The following ZNF43 variants were observed in gnomAD, a reference collection of about 807,000 sequenced individuals.
ZNF43 encodes zinc finger protein 39-like 1 (KOX 27).
A neutral mutation model predicts 68.4 loss-of-function variants in ZNF43; 44 were observed. The ratio of observed to expected loss-of-function variants is 0.64; its 90% CI spans 0.51 to 0.83. The LOEUF (loss-of-function observed/expected upper bound fraction) is 0.83, where lower values mean the gene tolerates loss of function less well. Among genes scored for constraint, ZNF43 ranks in the 40% least tolerant of loss-of-function variants. ZNF43 has a pLI of 0.00. For missense variants in ZNF43, 896 were observed against 933.2 expected, an observed-to-expected ratio of 0.96 and a Z score of 0.52; for synonymous variants, 308 against 307.8, an observed-to-expected ratio of 1.00 and a Z score of -0.01.
chr19:21,819,158 T>G lies in ZNF43; in HGVS notation c.67A>C (p.Ile23Leu), dbSNP rs368237364. The G allele has an allele frequency of 7.5e-6, 12 of 1,610,144 alleles. No individual in the cohort carries two copies. Among genetic ancestry groups the G allele is most frequent in the Non-Finnish European group, 8.5e-6 (10 of 1,178,686 alleles). The part of the protein sequence containing the change: ...FCLEEWQCLD[I>L]AQQNLYRNVM... ...TTCCTATATAAATTCTGCTGTGCAATGTCCAGGCATTGCCACTCCTCCAGA... is the reference window on the plus strand; with the variant it reads ...TTCCTATATAAATTCTGCTGTGCAAGGTCCAGGCATTGCCACTCCTCCAGA... Residue 23 changes from isoleucine (I) to leucine (L), a missense_variant, in exon 2 of 4, where the codon ATT (isoleucine) becomes CTT (leucine). By Grantham distance (5) the Ile-to-Leu change is conservative (BLOSUM62 2). Transcript: ENST00000354959.
chr19:21,846,860 A>C (rs1462859771), intron 1 of ZNF43, among the ~76,000 whole-genome samples: 1 of 152,142 alleles, frequency 6.6e-6, no homozygotes. Context: ...TGGCTGTTGG[A>C]CCCAGCAATA....
chr19:21,807,538 T>C lies in ZNF43; in HGVS notation c.*69A>G, dbSNP rs1024251782. 1.5e-6 allele frequency: 2 copies of C among 1,369,382 alleles called. No homozygotes were observed. The highest frequency in any genetic ancestry group is 4.8e-5 in the East Asian group (2 of 41,816). 84.8% of individuals were successfully genotyped at this position (1,369,382 alleles called of 1,614,324 possible). A position where few individuals can be genotyped will look rare whatever the true frequency, so the allele number is the denominator to read the frequency against. ...CCAATGTAAATTATCTTACCTACAA[T>C]CAAGTGTGACAACCATGTAAAGCCT... is the stretch of plus-strand genomic sequence containing the variant. On this transcript the variant is annotated 3_prime_UTR_variant, in exon 4 of 4. Transcript: ENST00000354959.
chr19:21,812,312 G>A (rs891491585), intron 3 of ZNF43, among the ~76,000 whole-genome samples: 7 of 151,994 alleles, frequency 4.6e-5, no homozygotes, highest in African/African-American at 1.7e-4. Flanking sequence ...ATTTTTAGTA[G>A]AGACAGGGTT....
Position 21,809,512 on chromosome 19 carries a change from T to C in ZNF43, c.525A>G (p.Lys175=). 1 of 1,613,628 alleles carries C rather than the reference T, an allele frequency of 6.2e-7. No homozygotes were observed. The highest frequency in any genetic ancestry group is 1.1e-5 in the South Asian group (1 of 91,068). Residue 175 remains lysine (K), a synonymous_variant, in exon 4 of 4, where the codon AAA becomes AAG. Coordinates refer to ENST00000354959, the MANE Select transcript of ZNF43 (RefSeq NM_003423.4). The stretch of plus-strand genomic sequence containing the variant: ...AAAATGATTTGCCACATTCTTTGCA[T>C]TTGAAAAGTTTTTTTTCAGTATGGC... ...KISHTEKKLF[K]CKECGKSFCM...
chr19:21,822,307 CT>C (rs2037889545), intron 1 of ZNF43, among the ~76,000 whole-genome samples: 1 of 75,322 alleles, frequency 1.3e-5, no homozygotes, highest in Non-Finnish European at 2.9e-5. Context: ...AAACTTAACT[CT>C]TGTGTATGTA....
chr19:21,850,269 G>A (rs867345210), intron 1 of ZNF43, among the ~76,000 whole-genome samples: 1 of 152,196 alleles, frequency 6.6e-6, no homozygotes, highest in Non-Finnish European at 1.5e-5. Flanking sequence ...TCTGTAGAAA[G>A]GGCCTGGGCA....
upstream of ZNF43, chr19:21,836,211 C>T: frequency 2.0e-6 from 3 of 1,485,798 alleles, no homozygotes; most frequent in Middle Eastern, 2.0e-4. Flanking sequence ...CGGAAGCCGC[C>T]CTGTCCTCTC....
chr19:21,811,547 C>CAA (rs988161266), intron 3 of ZNF43, among the ~76,000 whole-genome samples: 19 of 127,314 alleles, frequency 1.5e-4, no homozygotes, highest in African/African-American at 4.9e-4. Context: ...AAAAAAAAAA[C>CAA]AAAAAAAAAA....
At chr19:21,834,554 C>T (rs1568379833) in intron 1 of ZNF43, among the ~76,000 whole-genome samples, 1 of 151,340 alleles carries the variant, frequency 6.6e-6, no homozygotes, top group Admixed American at 6.6e-5. Context: ...GTCAGGAGTT[C>T]GAAACCAGCT....
Position 21,809,710 on chromosome 19 carries a change from A to G in ZNF43, c.327T>C (p.His109=). Residue 109 remains histidine (H), a synonymous_variant, in exon 4 of 4, where the codon CAT becomes CAC. Transcript: ENST00000354959. ...ATLRRYKNCE[H]KNVHLKKDHK... is the part of the protein sequence containing the mutation. ...GGTCTTTTTTTAAATGTACATTTTT[A>G]TGTTCACAGTTTTTATATCTTCTCA... 6.2e-7 allele frequency: 1 copy of G among 1,613,090 alleles called. No homozygotes were observed. The highest frequency in any genetic ancestry group is 1.1e-5 in the South Asian group (1 of 90,968).
chr19:21,825,782 G>A (rs1277358145), intron 1 of ZNF43, among the ~76,000 whole-genome samples: 2 of 152,228 alleles, frequency 1.3e-5, no homozygotes, highest in African/African-American at 2.4e-5. Context: ...GCCTGGGTCA[G>A]TGGCTCACGC....
Position 21,809,404 on chromosome 19 carries a change from A to G in ZNF43, c.633T>C (p.Phe211=), listed in dbSNP as rs1477667138. The G allele has an allele frequency of 3.0e-5, 49 of 1,613,564 alleles. No homozygotes were observed. Among genetic ancestry groups the G allele is most frequent in the Non-Finnish European group, 4.2e-5 (49 of 1,179,816 alleles). The change falls in exon 4 of 4, where the codon TTT becomes TTC. Residue 211 remains phenylalanine (F), a synonymous_variant. Coordinates refer to ENST00000354959, the MANE Select transcript of ZNF43 (RefSeq NM_003423.4). The part of the protein sequence containing the change: ...FCKCEKCGKA[F]NCPSIITKHK... ...GTTTAGTGATGATTGAAGGGCAGTTAAAAGCTTTTCCACATTTTTCACATT... is the reference window on the plus strand; with the variant it reads ...GTTTAGTGATGATTGAAGGGCAGTTGAAAGCTTTTCCACATTTTTCACATT...
At chr19:21,814,688 G>A (rs1301732438) in intron 3 of ZNF43, among the ~76,000 whole-genome samples, 2 of 151,946 alleles carry the variant, frequency 1.3e-5, no homozygotes, top group African/African-American at 2.4e-5. Context: ...GATTGCAGGC[G>A]TGAGCCACCG....
intron 3 of ZNF43, among the ~76,000 whole-genome samples, chr19:21,813,826 A>G (rs1203574051): frequency 3.9e-5 from 6 of 152,052 alleles, no homozygotes; most frequent in Non-Finnish European, 8.8e-5. Context: ...ACAGTGGCAC[A>G]ATTATGGCTC....
intron 1 of ZNF43, among the ~76,000 whole-genome samples, chr19:21,848,413 T>C (rs908596544): frequency 6.6e-6 from 1 of 152,140 alleles, no homozygotes; most frequent in Admixed American, 6.5e-5. Context: ...CCCAGAGTGC[T>C]GGGATTACAG....
chr19:21,828,552 T>TC (rs1481437749), intron 1 of ZNF43, among the ~76,000 whole-genome samples: 1 of 151,744 alleles, frequency 6.6e-6, no homozygotes, highest in Non-Finnish European at 1.5e-5. Flanking sequence ...CTGTCTCTAC[T>TC]CTAAAAGTAC....
chr19:21,808,823 T>A lies in ZNF43; in HGVS notation c.1214A>T (p.Lys405Ile). The A allele has an allele frequency of 6.2e-7, 1 of 1,613,402 alleles. No homozygotes were observed. The highest frequency in any genetic ancestry group is 8.5e-7 in the Non-Finnish European group (1 of 1,179,840). The change falls in exon 4 of 4, where the codon AAA becomes ATA. Residue 405 changes from lysine to isoleucine, a missense_variant. Transcript: ENST00000354959. ...KKPYKCEECG[K>I]AFKWSSKLTE... ...AAGCTTTGAGGACCACTTAAAAGCT[T>A]TGCCACATTCTTCACATTTGTAGGG...
intron 1 of ZNF43, among the ~76,000 whole-genome samples, chr19:21,831,060 G>A (rs968671864): frequency 6.6e-6 from 1 of 152,132 alleles, no homozygotes; most frequent in Non-Finnish European, 1.5e-5. Flanking sequence ...CATTCTTCAT[G>A]TTAAAACCCT....
At chr19:21,829,940 T>C (rs527711329) in intron 1 of ZNF43, among the ~76,000 whole-genome samples, 1 of 151,996 alleles carries the variant, frequency 6.6e-6, no homozygotes, top group South Asian at 2.1e-4. Context: ...ACTGGAGAGT[T>C]AGACAAAAAA....
Sources: allele counts gnomAD v4.1 joint callset (sites outside exome capture counted in the v4.1 genomes callset), GRCh38; gene constraint gnomAD v4.1.1; transcripts MANE v1.5; gene names NCBI Gene and HGNC (gene_info 2026-07-23, HGNC 2026-07-21).